Variants in PTPRF observed in about 807,000 individuals in gnomAD.
PTPRF encodes receptor-type tyrosine-protein phosphatase F.
In PTPRF, 59 loss-of-function variants were observed where a neutral mutation model predicts 201.8. The observed-to-expected ratio is 0.29, with a 90% confidence interval of 0.24 to 0.36. The LOEUF (loss-of-function observed/expected upper bound fraction) is 0.36. Ranked by LOEUF, PTPRF falls within the 10% of genes least tolerant of loss-of-function variation. The probability of loss-of-function intolerance (pLI) is 1.00; values close to 1 mark genes in which losing one functional copy is unlikely to be tolerated. For missense variants in PTPRF, 2,132 were observed against 2,690.5 expected (o/e 0.79, Z 4.59); for synonymous variants, 1,088 against 1,089.7 (o/e 1.00, Z 0.03).
chr1:43,600,142 G>C (rs1487994437), intron 13 of PTPRF, among the ~76,000 whole-genome samples: 1 of 152,214 alleles, frequency 6.6e-6, no homozygotes, highest in Non-Finnish European at 1.5e-5. Flanking sequence ...GGGTGGAGGA[G>C]GCAGGCATGT....
chr1:43,586,745 C>G (rs1359319215), intron 7 of PTPRF, among the ~76,000 whole-genome samples: 1 of 152,204 alleles, frequency 6.6e-6, no homozygotes, highest in South Asian at 2.1e-4. Flanking sequence ...TCTCCTCTGT[C>G]GACATCTTTG....
rs368658538 is a variant in PTPRF, at chr1:43,555,795, AATTT to A, written c.379+1860_379+1863del. ...GTAAGCTGTCACATGCAAGTACCCT[AATTT>A]ATTTAGCCATTCCCTTATTGTTGGA... On this transcript the variant is annotated intron_variant, in intron 5 of 33. Coordinates refer to ENST00000359947, the MANE Select transcript of PTPRF (RefSeq NM_002840.5). 2.0e-4 allele frequency among the ~76,000 whole-genome samples: 30 copies of A among 152,228 alleles called. No homozygotes were observed. In the East Asian group the frequency reaches 5.4e-3, roughly 27 times the overall value.
intron 6 of PTPRF, among the ~76,000 whole-genome samples, chr1:43,570,818 T>G (rs759726112): frequency 1.2e-4 from 19 of 152,368 alleles, no homozygotes; most frequent in Admixed American, 4.6e-4. Context: ...TAATTAAAAC[T>G]CAACAAGATG....
At position 43,620,876 on chromosome 1, in the gene PTPRF, A is replaced by C. The variant is rs762019507; in HGVS notation, c.5403A>C (p.Thr1801=). Residue 1801 remains threonine (T), a synonymous_variant, in exon 32 of 34, where the codon ACA becomes ACC. Transcript: ENST00000359947. ...QSRTIRQFQF[T]DWPEQGVPKT... The stretch of plus-strand genomic sequence containing the variant: ...GGACAATCCGGCAGTTCCAGTTCAC[A>C]GACTGGCCAGAGCAGGGCGTGCCCA... 5.0e-6 allele frequency: 8 copies of C among 1,613,988 alleles called. No individual in the cohort carries two copies. The highest frequency in any genetic ancestry group is 6.8e-6 in the Non-Finnish European group (8 of 1,179,870).
intron 5 of PTPRF, among the ~76,000 whole-genome samples, chr1:43,568,170 T>A (rs1646316398): frequency 6.6e-6 from 1 of 151,778 alleles, no homozygotes; most frequent in Non-Finnish European, 1.5e-5. Context: ...TGGTGGGCGC[T>A]TGTAATCCCA....
rs1340905945 is a variant in PTPRF, at chr1:43,542,415, C to G, written c.-45-2616C>G. ...ATCATGGACCACTGGAAGAAGCTCTCTGTTCTACTTTCTGGATCTGAACAA... is the reference window on the plus strand; with the variant it reads ...ATCATGGACCACTGGAAGAAGCTCTGTGTTCTACTTTCTGGATCTGAACAA... On this transcript the variant is annotated intron_variant, in intron 2 of 33. Coordinates refer to ENST00000359947, the MANE Select transcript of PTPRF (RefSeq NM_002840.5). This position sits in a 1 kb window ranked among gnomAD's most constrained non-coding sequence, Gnocchi z 5.2. Among the ~76,000 whole-genome samples, 1 of 152,140 alleles carries G rather than the reference C, an allele frequency of 6.6e-6. No homozygotes were observed. The highest frequency in any genetic ancestry group is 2.4e-5 in the African/African-American group (1 of 41,406).
chr1:43,525,744 G>T (rs1000017414), upstream of PTPRF, among the ~76,000 whole-genome samples: 1 of 141,132 alleles, frequency 7.1e-6, no homozygotes, highest in Admixed American at 7.3e-5. Context: ...GGTGGAGGTT[G>T]CAGTGAGCCG....
At position 43,531,404 on chromosome 1, in the gene PTPRF, C is replaced by T. The variant is rs1440855081; in HGVS notation, c.-126+314C>T. ...CCGCACCTTAGCCGCAGCCCGCCCC[C>T]CCCACCCAGCGCAAAGTTTCCCGTT... On this transcript the variant is annotated intron_variant, in intron 1 of 33. Transcript: ENST00000359947. Among the ~76,000 whole-genome samples the T allele has an allele frequency of 2.8e-5, 4 of 142,180 alleles. No homozygotes were observed. In the East Asian group the frequency reaches 6.7e-4, roughly 24 times the overall value. The allele number at this position is 142,180 out of a possible 152,430, so 93.3% of individuals were successfully genotyped here. A position where few individuals can be genotyped will look rare whatever the true frequency, so the allele number is the denominator to read the frequency against.
chr1:43,575,809 T>G, intron 6 of PTPRF: 7 of 1,095,020 alleles, frequency 6.4e-6, no homozygotes, highest in Non-Finnish European at 8.7e-6. Context: ...TTAAGGCCCT[T>G]TCTTGTGTTT....
Position 43,606,833 on chromosome 1 carries a change from C to G in PTPRF, c.3722C>G (p.Pro1241Arg). 6.2e-7 allele frequency: 1 copy of G among 1,613,948 alleles called. No homozygotes were observed. Among genetic ancestry groups the G allele is most frequent in the African/African-American group, 1.3e-5 (1 of 75,062 alleles). Residue 1241 changes from proline to arginine, a missense_variant, in exon 21 of 34, where the codon CCC (proline) becomes CGC (arginine). By Grantham distance (103) the Pro-to-Arg change is moderately radical. Coordinates refer to ENST00000359947, the MANE Select transcript of PTPRF (RefSeq NM_002840.5). ...CCACAGAAGCGCTATGCCTCCAGCCCCTACTCGGATGAGATCGTGGTCCAG... is the reference window on the plus strand; with the variant it reads ...CCACAGAAGCGCTATGCCTCCAGCCGCTACTCGGATGAGATCGTGGTCCAG... ...PMDQKRYASS[P>R]YSDEIVVQVT...
intron 6 of PTPRF, among the ~76,000 whole-genome samples, chr1:43,572,792 G>A (rs995675927): frequency 1.3e-5 from 2 of 152,140 alleles, no homozygotes; most frequent in African/African-American, 2.4e-5. Flanking sequence ...CCCCTTCACA[G>A]CTGAGTTAAG....
At chr1:43,621,063 G>A in intron 32 of PTPRF, 34 bp from the exon 33 acceptor site, 1 of 1,611,950 alleles carries the variant, frequency 6.2e-7, no homozygotes, top group Non-Finnish European at 8.5e-7. Flanking sequence ...CATGAGGCAA[G>A]CAGGACTCCT....
chr1:43,595,627 T>C (rs1652065723), intron 11 of PTPRF, among the ~76,000 whole-genome samples: 1 of 152,002 alleles, frequency 6.6e-6, no homozygotes, highest in Non-Finnish European at 1.5e-5. Context: ...TGGTGGAGCC[T>C]TGGGAGGTGG....
At position 43,609,459 on chromosome 1, in the gene PTPRF, G is replaced by C. The variant is rs764069317; in HGVS notation, c.3934G>C (p.Asp1312His). The change falls in exon 22 of 34, where the codon GAC (aspartate) becomes CAC (histidine). Residue 1312 changes from aspartate to histidine, a missense_variant. This residue lies in a region of PTPRF where 818 missense variants were observed against 915.3 expected (regional missense o/e 0.89). Coordinates refer to ENST00000359947, the MANE Select transcript of PTPRF (RefSeq NM_002840.5). ...GGACTCCTTGCTGGCCCACTCCTCT[G>C]ACCCTGTGGAGATGCGGAGGCTCAA... ...LKDSLLAHSS[D>H]PVEMRRLNYQ... 1.9e-6 allele frequency: 3 copies of C among 1,614,050 alleles called. No homozygotes were observed. Among genetic ancestry groups the C allele is most frequent in the Non-Finnish European group, 2.5e-6 (3 of 1,179,984 alleles).
At chr1:43,536,784 T>G (rs567826782) in intron 1 of PTPRF, among the ~76,000 whole-genome samples, 41 of 152,198 alleles carry the variant, frequency 2.7e-4, no homozygotes, top group Non-Finnish European at 5.1e-4. Flanking sequence ...CAGAGAGGGC[T>G]GCGGGTTCTG....
At chr1:43,528,579 C>G (rs1643217136), upstream of PTPRF, 1 of 152,190 alleles carries the variant, frequency 6.6e-6, no homozygotes, top group South Asian at 2.1e-4. Context: ...TGGACTGAAA[C>G]CCAAAAGCCA....
rs1470736677 is a variant in PTPRF at position 43,618,660 on chromosome 1, G to T, written c.4402G>T (p.Gly1468Cys). 1 of 1,612,410 alleles carries T rather than the reference G, an allele frequency of 6.2e-7. No individual in the cohort carries two copies. The highest frequency in any genetic ancestry group is 8.5e-7 in the Non-Finnish European group (1 of 1,178,606). Residue 1468 changes from glycine to cysteine, a missense_variant, in exon 26 of 34, where the codon GGC becomes TGC. This residue lies in a region of PTPRF where 519 missense variants were observed against 659.5 expected (regional missense o/e 0.79). Coordinates refer to ENST00000359947, the MANE Select transcript of PTPRF (RefSeq NM_002840.5). The stretch of plus-strand genomic sequence containing the variant: ...ATGTGATCAGTACTGGCCAGCCCGT[G>T]GCACCGAGACCTGTGGCCTTATTCA... ...VKCDQYWPAR[G>C]TETCGLIQVT...
In PTPRF at chr1:43,619,134, C is replaced by T. The variant is rs1658567115; in HGVS notation, c.4578C>T (p.Ile1526=). The T allele has an allele frequency of 6.2e-7, 1 of 1,613,896 alleles. No individual in the cohort carries two copies. The highest frequency in any genetic ancestry group is 8.5e-7 in the Non-Finnish European group (1 of 1,179,948). Residue 1526 remains isoleucine, a synonymous_variant, in exon 27 of 34, where the codon ATC becomes ATT. Transcript: ENST00000359947. ...DHGVPEYPTP[I]LAFLRRVKAC... ...GAGTTCCTGAGTACCCAACTCCCAT[C>T]CTGGCCTTCCTACGACGGGTCAAGG...
chr1:43,540,949 C>T (rs573144976), intron 2 of PTPRF, among the ~76,000 whole-genome samples: 3 of 152,368 alleles, frequency 2.0e-5, no homozygotes, highest in Admixed American at 1.3e-4. Context: ...TTTCCGCCTC[C>T]GCGGCCGCTG....
Sources: allele counts gnomAD v4.1 joint callset (sites outside exome capture counted in the v4.1 genomes callset), GRCh38; gene constraint gnomAD v4.1.1; regional missense constraint gnomAD v4.1.1; non-coding constraint Gnocchi (gnomAD v3.1); transcripts MANE v1.5; gene names NCBI Gene and HGNC (gene_info 2026-07-23, HGNC 2026-07-21).